Variants in DCDC2C observed in about 807,000 individuals in gnomAD.
The protein encoded by DCDC2C is doublecortin domain-containing protein 2C.
In DCDC2C, 44 loss-of-function variants were observed where a neutral mutation model predicts 45.0. The ratio of observed to expected loss-of-function variants is 0.98; its 90% confidence interval spans 0.77 to 1.26. The LOEUF (loss-of-function observed/expected upper bound fraction) is 1.26, where lower values mean the gene tolerates loss of function less well. Ranked by LOEUF, DCDC2C falls within the 50% of genes most tolerant of loss-of-function variation. The pLI, the probability that DCDC2C is intolerant of heterozygous loss-of-function variation, is 0.00. For missense variants in DCDC2C, 447 were observed against 468.9 expected (o/e 0.95, Z 0.43); for synonymous variants, 187 against 178.8 (o/e 1.05, Z -0.37).
chr2:3,781,762 T>C (rs1418866028), intron 9 of DCDC2C, among the ~76,000 whole-genome samples: 3 of 152,036 alleles, frequency 2.0e-5, no homozygotes, highest in African/African-American at 7.2e-5. Context: ...CCCAGCTCCC[T>C]GGGAGGCTGA....
At chr2:3,740,029 T>C (rs1055706926) in intron 3 of DCDC2C, among the ~76,000 whole-genome samples, 2 of 152,240 alleles carry the variant, frequency 1.3e-5, no homozygotes, top group Non-Finnish European at 2.9e-5. Flanking sequence ...AGGGAACTTT[T>C]CCTGTTCACA....
At chr2:3,746,625 A>G (rs1669370840) in intron 4 of DCDC2C, among the ~76,000 whole-genome samples, 1 of 152,200 alleles carries the variant, frequency 6.6e-6, no homozygotes, top group Admixed American at 6.5e-5. Flanking sequence ...TGCACCGTAC[A>G]CTATTCTAGG....
At chr2:3,829,146 T>C (rs1007281867) in intron 10 of DCDC2C, among the ~76,000 whole-genome samples, 17 of 152,278 alleles carry the variant, frequency 1.1e-4, no homozygotes, top group African/African-American at 3.9e-4. Context: ...GAAACCTCCT[T>C]CTTTTGCAGT....
At chr2:3,741,114 A>C (rs1298396924) in intron 3 of DCDC2C, among the ~76,000 whole-genome samples, 2 of 152,212 alleles carry the variant, frequency 1.3e-5, no homozygotes, top group Non-Finnish European at 2.9e-5. Flanking sequence ...GGGTTTTGAA[A>C]ATCTTCTAAG....
intron 1 of DCDC2C, among the ~76,000 whole-genome samples, chr2:3,706,869 G>A (rs1165431979): frequency 1.3e-5 from 2 of 152,204 alleles, no homozygotes; most frequent in African/African-American, 2.4e-5. Context: ...CCTGAGTAAC[G>A]TTCAGCAAGT....
In DCDC2C at chr2:3,818,771, G is replaced by A. The variant is rs1671612606; in HGVS notation, c.1066-28383G>A. On this transcript the variant is annotated intron_variant, in intron 10 of 10. Transcript: ENST00000399143. This position sits in a 1 kb window ranked among gnomAD's most constrained non-coding sequence, Gnocchi z 4.7. The stretch of plus-strand genomic sequence containing the variant: ...TGTGGATTAAGGTGGGGAGATACAA[G>A]GGGAGAATGTGAAGGAGGCTTTGAA... Among the ~76,000 whole-genome samples the A allele has an allele frequency of 6.6e-6, 1 of 152,082 alleles. No individual in the cohort carries two copies. Among genetic ancestry groups the A allele is most frequent in the African/African-American group, 2.4e-5 (1 of 41,388 alleles).
intron 8 of DCDC2C, among the ~76,000 whole-genome samples, chr2:3,773,178 C>T (rs1266116850): frequency 1.3e-5 from 2 of 152,060 alleles, no homozygotes; most frequent in Admixed American, 6.6e-5. Flanking sequence ...GGGGCGTGGC[C>T]GGCTGTCAGA....
chr2:3,808,046 G>A (rs1289742757), intron 10 of DCDC2C, among the ~76,000 whole-genome samples: 1 of 152,116 alleles, frequency 6.6e-6, no homozygotes, highest in Non-Finnish European at 1.5e-5. Flanking sequence ...CCTAAGAGTG[G>A]GATCGCTGAG....
At chr2:3,740,972 A>G (rs73142899) in intron 3 of DCDC2C, among the ~76,000 whole-genome samples, 2,543 of 152,282 alleles carry the variant, frequency 0.017, 70 homozygotes, top group African/African-American at 0.058. Context: ...GATATCAATG[A>G]TATCATTTAT....
At chr2:3,721,527 G>A (rs1668504446) in intron 2 of DCDC2C, among the ~76,000 whole-genome samples, 1 of 152,162 alleles carries the variant, frequency 6.6e-6, no homozygotes, top group Non-Finnish European at 1.5e-5. Flanking sequence ...GCATTGGAGA[G>A]GTGGAGAGAA....
chr2:3,710,233 C>T (rs1457145544), intron 2 of DCDC2C, among the ~76,000 whole-genome samples: 3 of 152,052 alleles, frequency 2.0e-5, no homozygotes, highest in African/African-American at 7.2e-5. Context: ...AGTACATGTG[C>T]AGGATGTGCA....
intron 10 of DCDC2C, among the ~76,000 whole-genome samples, chr2:3,806,040 T>C (rs1375388544): frequency 6.6e-6 from 1 of 151,972 alleles, no homozygotes; most frequent in Admixed American, 6.6e-5. Flanking sequence ...CTTGCTGCAT[T>C]GCCCAGGCTG....
At chr2:3,776,037 T>C (rs73144901) in intron 8 of DCDC2C, among the ~76,000 whole-genome samples, 2,629 of 152,214 alleles carry the variant, frequency 0.017, 77 homozygotes, top group African/African-American at 0.06. Context: ...ATCTGTGCCA[T>C]CTGCCCCTTC....
At chr2:3,704,279 T>G in intron 1 of DCDC2C, 4 of 345,994 alleles carry the variant, frequency 1.2e-5, no homozygotes, top group East Asian at 4.3e-5. Context: ...GGGCGGGCCC[T>G]GGCCGGCAGC....
Position 3,825,667 on chromosome 2 carries a change from A to G in DCDC2C, c.1066-21487A>G, listed in dbSNP as rs147012881. ...ATGGCACTGCCCTGATTTGAGTTCA[A>G]CAACCTGGGATGGAGGCTGAAGGTT... On this transcript the variant is annotated intron_variant, in intron 10 of 10. Coordinates refer to ENST00000399143, the MANE Select transcript of DCDC2C (RefSeq NM_001287444.2). Among the ~76,000 whole-genome samples, 1,373 of 152,180 alleles carry G rather than the reference A, an allele frequency of 9.0e-3. 22 individuals are homozygous for G. Among genetic ancestry groups the G allele is most frequent in the African/African-American group, 0.03 (1,261 of 41,512 alleles).
intron 9 of DCDC2C, among the ~76,000 whole-genome samples, chr2:3,779,440 G>A (rs1299370152): frequency 6.6e-6 from 1 of 152,116 alleles, no homozygotes; most frequent in Non-Finnish European, 1.5e-5. Flanking sequence ...TGCAGGGAGC[G>A]TGTGTCTGTG....
intron 2 of DCDC2C, among the ~76,000 whole-genome samples, chr2:3,723,542 G>A (rs951600629): frequency 6.6e-6 from 1 of 152,204 alleles, no homozygotes; most frequent in Non-Finnish European, 1.5e-5. Flanking sequence ...TGGCAGAGAG[G>A]CAGCCAGTGC....
At chr2:3,826,885 C>G (rs1357010345) in intron 10 of DCDC2C, among the ~76,000 whole-genome samples, 1 of 152,078 alleles carries the variant, frequency 6.6e-6, no homozygotes, top group Non-Finnish European at 1.5e-5. Flanking sequence ...TGGCCTTCCT[C>G]CCTCCTTCCC....
At chr2:3,811,471 A>G (rs1813009) in intron 10 of DCDC2C, among the ~76,000 whole-genome samples, 90,995 of 152,016 alleles carry the variant, frequency 0.6, 27,816 homozygotes, top group East Asian at 0.73. Flanking sequence ...AGTTTATGGA[A>G]TTTTTGGGCT....
Sources: allele counts gnomAD v4.1 joint callset (sites outside exome capture counted in the v4.1 genomes callset), GRCh38; gene constraint gnomAD v4.1.1; non-coding constraint Gnocchi (gnomAD v3.1); transcripts MANE v1.5; gene names NCBI Gene and HGNC (gene_info 2026-07-23, HGNC 2026-07-21).